Variants in ADAMTSL1 observed in about 807,000 individuals in gnomAD.
ADAMTSL1 encodes the protein ADAMTS-like protein 1.
ADAMTSL1 carries 126 observed loss-of-function variants against 201.8 expected under a neutral mutation model. The observed-to-expected ratio is 0.62, with a 90% CI of 0.54 to 0.72. The LOEUF is 0.72. ADAMTSL1 is among the 30% of genes least tolerant of loss of function. The probability of loss-of-function intolerance (pLI) is 0.00; values close to 1 mark genes in which losing one functional copy is unlikely to be tolerated. For missense variants in ADAMTSL1, 2,679 were observed against 2,277.8 expected, an observed-to-expected ratio of 1.18 and a Z score of -3.59; for synonymous variants, 1,121 against 903.4, an observed-to-expected ratio of 1.24 and a Z score of -4.32.
At chr9:18,452,272 A>G (rs1430471874) in intron 2 of ADAMTSL1, among the ~76,000 whole-genome samples, 1 of 152,160 alleles carries the variant, frequency 6.6e-6, no homozygotes, top group African/African-American at 2.4e-5. Context: ...TTATAATAAT[A>G]ATGTAATCCA....
At chr9:18,858,631 C>T (rs1827016249) in intron 23 of ADAMTSL1, among the ~76,000 whole-genome samples, 1 of 152,218 alleles carries the variant, frequency 6.6e-6, no homozygotes, top group South Asian at 2.1e-4. Context: ...TGCCCAGCCT[C>T]TGTGCTCCAC....
chr9:18,485,344 A>G (rs1404384035), intron 1 of ADAMTSL1, among the ~76,000 whole-genome samples: 2 of 152,226 alleles, frequency 1.3e-5, no homozygotes, highest in Admixed American at 1.3e-4. Context: ...AAGCTAACCA[A>G]TGTCCTTATT....
chr9:18,629,980 G>GC (rs1564102100), intron 5 of ADAMTSL1, among the ~76,000 whole-genome samples: 7 of 130,874 alleles, frequency 5.3e-5, no homozygotes, highest in African/African-American at 2.4e-4. Flanking sequence ...AATATGTGCT[G>GC]TTTTTTTTGT....
chr9:18,649,969 G>A (rs1473841740), intron 7 of ADAMTSL1, among the ~76,000 whole-genome samples: 1 of 152,168 alleles, frequency 6.6e-6, no homozygotes, highest in East Asian at 1.9e-4. Context: ...CTGTCTTTTT[G>A]TTTGTCTGTG....
chr9:18,506,217 C>T (rs1012323670), intron 2 of ADAMTSL1, among the ~76,000 whole-genome samples: 7 of 152,214 alleles, frequency 4.6e-5, no homozygotes, highest in Non-Finnish European at 7.3e-5. Context: ...ACTTTTGCTC[C>T]TTATGATTCA....
In ADAMTSL1 at chr9:18,887,877, T is replaced by C. The variant is rs1442069731; in HGVS notation, c.4296T>C (p.His1432=). The change falls in exon 24 of 29, where the codon CAT becomes CAC. Residue 1432 remains histidine (H), a synonymous_variant. Transcript: ENST00000380548. ...CTGTCCCTAATATCACCTGGTTTCA[T>C]GGTGGTCAGCCAATTGTCACTGCCA... is the stretch of plus-strand genomic sequence containing the variant. ...GHPVPNITWF[H]GGQPIVTATG... is the part of the protein sequence containing the mutation. The C allele has an allele frequency of 1.2e-6, 2 of 1,613,972 alleles. No homozygotes were observed. Among genetic ancestry groups the C allele is most frequent in the East Asian group, 2.2e-5 (1 of 44,880 alleles).
chr9:18,456,813 C>A (rs1308099305), intron 2 of ADAMTSL1, among the ~76,000 whole-genome samples: 1 of 152,172 alleles, frequency 6.6e-6, no homozygotes, highest in Non-Finnish European at 1.5e-5. Context: ...ATTTGCACTT[C>A]AACCCCACCA....
chr9:18,058,406 C>A (rs1040112617), intron 1 of ADAMTSL1, among the ~76,000 whole-genome samples: 2 of 152,182 alleles, frequency 1.3e-5, no homozygotes, highest in African/African-American at 2.4e-5. Context: ...GCCATGTTCG[C>A]TTTAGTCTTT....
At position 18,721,518 on chromosome 9, in the gene ADAMTSL1, C is replaced by A. The variant is rs377156495; in HGVS notation, c.1877-18C>A. On this transcript the variant is annotated intron_variant, in intron 14 of 28. Transcript: ENST00000380548. The stretch of plus-strand genomic sequence containing the variant: ...CACCCACTTTGCACTCTGGCCTGAC[C>A]GTGTGATTTGTACACAGGTGTCCAG... 5.6e-6 allele frequency: 9 copies of A among 1,612,952 alleles called. No homozygotes were observed. In the African/African-American group the frequency reaches 6.7e-5, roughly 12 times the overall value.
intron 11 of ADAMTSL1, 176 bp downstream of exon 11, chr9:18,680,692 G>T (rs1830418223): frequency 3.1e-6 from 2 of 639,762 alleles, no homozygotes; most frequent in Non-Finnish European, 2.7e-6. Flanking sequence ...AAAAGTAAAT[G>T]ATGTTTTTTT....
intron 2 of ADAMTSL1, among the ~76,000 whole-genome samples, chr9:18,179,090 G>C (rs968071792): frequency 6.6e-6 from 1 of 152,174 alleles, no homozygotes; most frequent in African/African-American, 2.4e-5. Context: ...AGCTACGGGA[G>C]GACATTCAAA....
At chr9:18,483,986 A>G (rs16936780) in intron 1 of ADAMTSL1, among the ~76,000 whole-genome samples, 5,849 of 152,262 alleles carry the variant, frequency 0.038, 362 homozygotes, top group African/African-American at 0.13. Context: ...TTGTTTCCCT[A>G]TTAATGAAAA....
intron 1 of ADAMTSL1, among the ~76,000 whole-genome samples, chr9:18,029,332 C>A (rs1285331196): frequency 3.3e-5 from 5 of 152,156 alleles, no homozygotes; most frequent in Non-Finnish European, 7.4e-5. Flanking sequence ...GCTGGGAAAA[C>A]TGGCTAGCCA....
chr9:18,882,117 C>G (rs911448361), intron 23 of ADAMTSL1, among the ~76,000 whole-genome samples: 1 of 152,164 alleles, frequency 6.6e-6, no homozygotes, highest in Admixed American at 6.5e-5. Context: ...CCATAGTGAC[C>G]AACCTAGGGG....
intron 1 of ADAMTSL1, among the ~76,000 whole-genome samples, chr9:18,156,777 T>C (rs1401479654): frequency 2.0e-5 from 3 of 152,040 alleles, no homozygotes; most frequent in African/African-American, 4.8e-5. Context: ...ATGTGTTCTT[T>C]CATTGTCTAA....
intron 1 of ADAMTSL1, among the ~76,000 whole-genome samples, chr9:18,490,388 G>C (rs528893457): frequency 6.6e-6 from 1 of 152,226 alleles, no homozygotes; most frequent in East Asian, 1.9e-4. Flanking sequence ...CTGGAGAAAG[G>C]GGAATTGTTG....
intron 23 of ADAMTSL1, among the ~76,000 whole-genome samples, chr9:18,878,843 C>T (rs1028096970): frequency 1.3e-5 from 2 of 152,082 alleles, no homozygotes; most frequent in Admixed American, 1.3e-4. Flanking sequence ...ATTAGAATTT[C>T]GAAGCTTGGA....
chr9:18,474,238 A>G lies in ADAMTSL1; in HGVS notation c.6A>G (p.Glu2=). 1.2e-6 allele frequency: 2 copies of G among 1,614,154 alleles called. No individual in the cohort carries two copies. The highest frequency in any genetic ancestry group is 1.1e-5 in the South Asian group (1 of 91,078). The change falls in exon 1 of 29, where the codon GAA becomes GAG. Residue 2 remains glutamate (E), a synonymous_variant. Transcript: ENST00000380548. ...ATTCCGGCAAGGATCCAAGCATGGA[A>G]TGCTGCCGTCGGGCAACTCCTGGCA... M[E]CCRRATPGTL...
chr9:18,560,201 G>A (rs146693532), intron 3 of ADAMTSL1, among the ~76,000 whole-genome samples: 2,850 of 152,176 alleles, frequency 0.019, 39 homozygotes, highest in Non-Finnish European at 0.029. Context: ...CTAATTTATT[G>A]AGAGCTTTTA....
Sources: gnomAD v4.1 joint callset for allele counts (sites outside exome capture counted in the v4.1 genomes callset) on GRCh38, gnomAD v4.1.1 for gene constraint, MANE v1.5 for transcripts, NCBI Gene and HGNC (gene_info 2026-07-23, HGNC 2026-07-21) for gene names.